Variants in RBM20 observed in about 807,000 individuals in gnomAD.
RBM20 encodes the protein RNA binding motif protein 20, also known as RNA-binding protein 20.
Under a neutral mutation model 110.1 loss-of-function variants are expected in RBM20, and 51 were observed. The ratio of observed to expected loss-of-function variants is 0.46; its 90% CI spans 0.37 to 0.59. The LOEUF (loss-of-function observed/expected upper bound fraction) is 0.59, where lower values mean the gene tolerates loss of function less well. Among genes scored for constraint, RBM20 ranks in the 20% least tolerant of loss-of-function variants. The pLI, the probability that RBM20 is intolerant of heterozygous loss-of-function variation, is 0.00. For synonymous variants in RBM20, 589 were observed against 618.2 expected (o/e 0.95, Z 0.70); for missense variants, 1,512 against 1,574.9 (o/e 0.96, Z 0.68).
At chr10:110,671,801 T>C (rs534024536) in intron 1 of RBM20, among the ~76,000 whole-genome samples, 1 of 152,288 alleles carries the variant, frequency 6.6e-6, no homozygotes, top group South Asian at 2.1e-4. Flanking sequence ...ACACTCCCTT[T>C]AAATCTCTTT....
At chr10:110,832,130 AT>A (rs1845063975) in intron 13 of RBM20, among the ~76,000 whole-genome samples, 1 of 124,674 alleles carries the variant, frequency 8.0e-6, no homozygotes, top group Non-Finnish European at 1.8e-5. Flanking sequence ...AATATGTAAT[AT>A]ATTAGAATGT....
intron 8 of RBM20, 64 bp downstream of exon 8, chr10:110,810,526 C>T (rs1007975722): frequency 8.5e-7 from 1 of 1,171,894 alleles, no homozygotes; most frequent in African/African-American, 1.5e-5. Flanking sequence ...TCCTGTTTCT[C>T]ATTCTTAGGG....
intron 5 of RBM20, among the ~76,000 whole-genome samples, chr10:110,787,683 T>A (rs1844437008): frequency 6.6e-6 from 1 of 152,238 alleles, no homozygotes; most frequent in African/African-American, 2.4e-5. Flanking sequence ...TCCTCGAAGC[T>A]CTGAGTGCCA....
chr10:110,835,627 G>A (rs1244134174), intron 13 of RBM20: 10 of 315,324 alleles, frequency 3.2e-5, no homozygotes, highest in African/African-American at 6.5e-5. Flanking sequence ...GAGACACCAC[G>A]CTCGGCCTGT....
chr10:110,736,767 G>T (rs1339855589), intron 1 of RBM20, among the ~76,000 whole-genome samples: 3 of 152,108 alleles, frequency 2.0e-5, no homozygotes, highest in African/African-American at 7.2e-5. Context: ...TTGAATGTTT[G>T]TATCCCTCCA....
intron 1 of RBM20, among the ~76,000 whole-genome samples, chr10:110,760,645 G>C (rs963929652): frequency 6.7e-6 from 1 of 150,032 alleles, no homozygotes; most frequent in Admixed American, 6.6e-5. Flanking sequence ...GTTTCAACAT[G>C]TTGGTCAGAC....
rs1258759177 is a variant in RBM20 at position 110,644,376 on chromosome 10, C to G, written c.-79C>G. 10 of 1,204,954 alleles carry G rather than the reference C, an allele frequency of 8.3e-6. No homozygotes were observed. The highest frequency in any genetic ancestry group is 1.1e-5 in the Non-Finnish European group (10 of 923,850). The allele number at this position is 1,204,954 out of a possible 1,614,324, so 74.6% of individuals were successfully genotyped here. ...ACAAGGGGACTGGGCACGGGGACCC[C>G]GGCCAGTGAGCGCCCGTGGCCCGGG... On this transcript the variant is annotated 5_prime_UTR_variant, in exon 1 of 14. Coordinates refer to ENST00000369519, the MANE Select transcript of RBM20 (RefSeq NM_001134363.3). The surrounding 1 kb of genome is among the most constrained non-coding windows in gnomAD (Gnocchi z 4.3).
intron 1 of RBM20, chr10:110,761,333 T>TA (rs1214631001): frequency 6.6e-6 from 1 of 152,198 alleles, no homozygotes; most frequent in Non-Finnish European, 1.5e-5. Flanking sequence ...TGTTCTCCAA[T>TA]AGGATTTCTT....
intron 13 of RBM20, among the ~76,000 whole-genome samples, chr10:110,834,074 C>T (rs73360836): frequency 0.021 from 3,231 of 152,280 alleles, 125 homozygotes; most frequent in African/African-American, 0.074. Context: ...CTGTGCCCCA[C>T]GGCTGGTCAC....
chr10:110,734,618 C>CGTTTTTTTTTTTTTTTTTT (rs34824300), intron 1 of RBM20, among the ~76,000 whole-genome samples: 7 of 136,532 alleles, frequency 5.1e-5, no homozygotes, highest in Non-Finnish European at 3.1e-5. Flanking sequence ...AAAATTCCCT[C>CGTTTTTTTTTTTTTTTTTT]TTTTTTTTTT....
intron 7 of RBM20, among the ~76,000 whole-genome samples, chr10:110,803,713 T>C (rs1844659273): frequency 7.1e-6 from 1 of 141,112 alleles, no homozygotes; most frequent in South Asian, 2.2e-4. Flanking sequence ...CTCAACTACA[T>C]AGTAATGCAT....
chr10:110,773,554 C>T (rs185456761), intron 1 of RBM20, among the ~76,000 whole-genome samples: 10 of 152,262 alleles, frequency 6.6e-5, no homozygotes, highest in Admixed American at 6.5e-4. Context: ...ACCATACCCT[C>T]ATTTTATAAA....
intron 6 of RBM20, among the ~76,000 whole-genome samples, chr10:110,799,290 G>A (rs942543957): frequency 6.6e-6 from 1 of 152,158 alleles, no homozygotes; most frequent in African/African-American, 2.4e-5. Flanking sequence ...GTATTCCATG[G>A]CATGATGTAG....
At chr10:110,834,518 A>G (rs111412910) in intron 13 of RBM20, among the ~76,000 whole-genome samples, 3 of 152,362 alleles carry the variant, frequency 2.0e-5, no homozygotes, top group African/African-American at 7.2e-5. Flanking sequence ...TCTCCAACTC[A>G]TATGGCTGGT....
intron 1 of RBM20, among the ~76,000 whole-genome samples, chr10:110,678,171 G>A (rs1224949647): frequency 6.6e-6 from 1 of 152,218 alleles, no homozygotes; most frequent in African/African-American, 2.4e-5. Context: ...TATAGACAAT[G>A]TGGGGAAATA....
Position 110,781,482 on chromosome 10 carries a change from T to C in RBM20, c.873T>C (p.His291=), listed in dbSNP as rs761631112. ...DFYGPNSQGS[H]VASGFPAEQA... ...ACGGACCCAACTCCCAAGGTTCACA[T>C]GTGGCCAGCGGATTTCCAGCTGAGC... The change falls in exon 2 of 14, where the codon CAT becomes CAC. Residue 291 remains histidine, a synonymous_variant. Transcript: ENST00000369519. 2.0e-5 allele frequency: 31 copies of C among 1,551,458 alleles called. No homozygotes were observed. Among genetic ancestry groups the C allele is most frequent in the Non-Finnish European group, 2.7e-5 (31 of 1,147,002 alleles).
intron 1 of RBM20, among the ~76,000 whole-genome samples, chr10:110,761,414 A>G (rs1290142526): frequency 1.3e-5 from 2 of 149,928 alleles, no homozygotes; most frequent in African/African-American, 4.9e-5. Flanking sequence ...CTGGTTTTAG[A>G]TTTAACATTA....
At chr10:110,819,768 A>G (rs1420161703) in intron 9 of RBM20, among the ~76,000 whole-genome samples, 1 of 152,218 alleles carries the variant, frequency 6.6e-6, no homozygotes, top group African/African-American at 2.4e-5. Flanking sequence ...TCTGCAAAAA[A>G]TACCCAGTTT....
chr10:110,792,169 A>G (rs959348839), intron 5 of RBM20, among the ~76,000 whole-genome samples: 3 of 146,420 alleles, frequency 2.0e-5, no homozygotes, highest in African/African-American at 8.2e-5. Flanking sequence ...CTATCTATCT[A>G]TCTATCTATC....
Sources: allele counts gnomAD v4.1 joint callset (sites outside exome capture counted in the v4.1 genomes callset), GRCh38; gene constraint gnomAD v4.1.1; non-coding constraint Gnocchi (gnomAD v3.1); transcripts MANE v1.5; gene names NCBI Gene and HGNC (gene_info 2026-07-23, HGNC 2026-07-21).